PLCB1: variants seen among roughly 807,000 people sequenced by gnomAD.
The protein encoded by PLCB1 is 1-phosphatidylinositol 4,5-bisphosphate phosphodiesterase beta-1.
A neutral mutation model predicts 161.8 loss-of-function variants in PLCB1; 46 were observed. The observed-to-expected ratio is 0.28, with a 90% CI of 0.22 to 0.36. The LOEUF (loss-of-function observed/expected upper bound fraction) is 0.36. Ranked by LOEUF, PLCB1 falls within the 10% of genes least tolerant of loss-of-function variation. The pLI, the probability that PLCB1 is intolerant of heterozygous loss-of-function variation, is 1.00. For missense variants in PLCB1, 1,016 were observed against 1,472.5 expected (o/e 0.69, Z 5.07); for synonymous variants, 517 against 503.7 (o/e 1.03, Z -0.35).
intron 3 of PLCB1, among the ~76,000 whole-genome samples, chr20:8,541,565 AAAG>A (rs1985319785): frequency 3.2e-5 from 4 of 123,590 alleles, no homozygotes; most frequent in Admixed American, 2.5e-4. Context: ...GAAGAAAGAG[AAAG>A]AAAGAAAGAA....
intron 4 of PLCB1, among the ~76,000 whole-genome samples, chr20:8,639,004 C>G (rs1032027420): frequency 6.7e-6 from 1 of 149,840 alleles, no homozygotes; most frequent in Non-Finnish European, 1.5e-5. Context: ...TAGCCGGAAC[C>G]CTGAAGGTAG....
At chr20:8,510,316 T>C (rs1233226174) in intron 3 of PLCB1, among the ~76,000 whole-genome samples, 1 of 152,072 alleles carries the variant, frequency 6.6e-6, no homozygotes, top group African/African-American at 2.4e-5. Context: ...ATCCTCTATA[T>C]TTACAACGAA....
intron 11 of PLCB1, among the ~76,000 whole-genome samples, chr20:8,706,451 G>A (rs1162426865): frequency 6.6e-6 from 1 of 152,132 alleles, no homozygotes; most frequent in Non-Finnish European, 1.5e-5. Context: ...GACTGTACTC[G>A]GGACCTATTT....
intron 3 of PLCB1, among the ~76,000 whole-genome samples, chr20:8,444,998 T>C (rs1980754723): frequency 1.3e-5 from 2 of 152,172 alleles, no homozygotes; most frequent in South Asian, 2.1e-4. Flanking sequence ...CTGTAGGTTG[T>C]CTGTTCACTC....
intron 3 of PLCB1, among the ~76,000 whole-genome samples, chr20:8,432,126 G>A (rs1308733536): frequency 6.6e-6 from 1 of 152,170 alleles, no homozygotes; most frequent in East Asian, 1.9e-4. Flanking sequence ...ACATGGCCAC[G>A]AAAAATCTGG....
intron 9 of PLCB1, among the ~76,000 whole-genome samples, chr20:8,677,267 G>A (rs1365031702): frequency 2.6e-5 from 4 of 151,854 alleles, no homozygotes; most frequent in Non-Finnish European, 4.4e-5. Context: ...GTATGGTGGT[G>A]CATGCCTGTA....
chr20:8,631,537 G>A (rs902944376), intron 4 of PLCB1, among the ~76,000 whole-genome samples: 9 of 152,158 alleles, frequency 5.9e-5, no homozygotes, highest in Admixed American at 3.3e-4. Flanking sequence ...GGGGAAGCAC[G>A]TAACATTATC....
chr20:8,357,661 A>C (rs985604637), intron 2 of PLCB1, among the ~76,000 whole-genome samples: 1 of 152,176 alleles, frequency 6.6e-6, no homozygotes. Context: ...TACAAAATAA[A>C]AAAGGAAAAA....
At chr20:8,368,553 AAAAG>A (rs1370842809) in intron 2 of PLCB1, among the ~76,000 whole-genome samples, 3 of 151,486 alleles carry the variant, frequency 2.0e-5, no homozygotes, top group Non-Finnish European at 2.9e-5. Context: ...AAAAAAAAGA[AAAAG>A]AAAAAATAAA....
chr20:8,684,942 A>G lies in PLCB1; in HGVS notation c.873A>G (p.Ser291=), dbSNP rs926496597. ...NNSLARKGQI[S]VDGFMRYLSG... is the part of the protein sequence containing the mutation. ...CTTCATTTCCTCCAGGACAAATATC[A>G]GTGGATGGGTTCATGCGCTATCTGA... The change falls in exon 10 of 32, where the codon TCA becomes TCG. Residue 291 remains serine, a synonymous_variant. Coordinates refer to ENST00000338037, the MANE Select transcript of PLCB1 (RefSeq NM_015192.4). 6.2e-7 allele frequency: 1 copy of G among 1,613,008 alleles called. No homozygotes were observed. Among genetic ancestry groups the G allele is most frequent in the Non-Finnish European group, 8.5e-7 (1 of 1,179,312 alleles).
chr20:8,617,583 T>C (rs942743189), intron 3 of PLCB1, among the ~76,000 whole-genome samples: 1 of 152,198 alleles, frequency 6.6e-6, no homozygotes, highest in Non-Finnish European at 1.5e-5. Flanking sequence ...TTGGGTTTTT[T>C]GGTTTTGTTA....
chr20:8,163,393 G>T (rs2051645199), intron 2 of PLCB1, among the ~76,000 whole-genome samples: 1 of 152,180 alleles, frequency 6.6e-6, no homozygotes, highest in African/African-American at 2.4e-5. Context: ...TGGGCCCTAG[G>T]CTTTGAGAAA....
chr20:8,270,186 A>C (rs1471359912), intron 2 of PLCB1, among the ~76,000 whole-genome samples: 1 of 152,198 alleles, frequency 6.6e-6, no homozygotes, highest in South Asian at 2.1e-4. Flanking sequence ...AGATTCACAC[A>C]CTTGTGCTAA....
At chr20:8,814,496 T>C (rs1390689210) in intron 31 of PLCB1, among the ~76,000 whole-genome samples, 1 of 152,118 alleles carries the variant, frequency 6.6e-6, no homozygotes, top group African/African-American at 2.4e-5. Context: ...TTATAAGTAG[T>C]GTTCCATCTA....
At chr20:8,368,229 A>T (rs150637670) in intron 2 of PLCB1, among the ~76,000 whole-genome samples, 117 of 152,246 alleles carry the variant, frequency 7.7e-4, no homozygotes, top group African/African-American at 2.7e-3. Context: ...GAATTTCCTT[A>T]AATAGAAAAT....
At chr20:8,330,147 A>T (rs79884851) in intron 2 of PLCB1, among the ~76,000 whole-genome samples, 1 of 152,184 alleles carries the variant, frequency 6.6e-6, no homozygotes, top group Non-Finnish European at 1.5e-5. Context: ...GAACAATAAC[A>T]TCGAATCAAT....
chr20:8,406,583 T>C (rs1007443700), intron 3 of PLCB1, among the ~76,000 whole-genome samples: 7 of 152,164 alleles, frequency 4.6e-5, no homozygotes, highest in Admixed American at 2.6e-4. Flanking sequence ...GTCAGATGAG[T>C]TGAAATTTGC....
intron 2 of PLCB1, among the ~76,000 whole-genome samples, chr20:8,187,840 A>T (rs60734050): frequency 0.013 from 2,019 of 152,140 alleles, 56 homozygotes; most frequent in African/African-American, 0.045. Flanking sequence ...ACCACTACAT[A>T]TTTGGTGGTG....
intron 2 of PLCB1, among the ~76,000 whole-genome samples, chr20:8,274,017 T>C (rs1251610777): frequency 6.6e-6 from 1 of 152,210 alleles, no homozygotes; most frequent in Admixed American, 6.5e-5. Context: ...AAAATCATCA[T>C]ACTGAAATTA....
Sources: gnomAD v4.1 joint callset for allele counts (sites outside exome capture counted in the v4.1 genomes callset) on GRCh38, gnomAD v4.1.1 for gene constraint, MANE v1.5 for transcripts, NCBI Gene and HGNC (gene_info 2026-07-23, HGNC 2026-07-21) for gene names.